The following DLGAP1 variants were observed in gnomAD, a reference collection of about 807,000 sequenced individuals.
DLGAP1 encodes the protein DLG associated protein 1, also known as disks large-associated protein 1.
In DLGAP1, 11 loss-of-function variants were observed where a neutral mutation model predicts 90.8. The observed-to-expected ratio is 0.12, with a 90% CI of 0.08 to 0.20. The LOEUF (loss-of-function observed/expected upper bound fraction) is 0.20. Ranked by LOEUF, DLGAP1 falls within the 10% of genes least tolerant of loss-of-function variation. The pLI is 1.00. For synonymous variants in DLGAP1, 558 were observed against 540.7 expected, an observed-to-expected ratio of 1.03 and a Z score of -0.44; for missense variants, 1,050 against 1,333.8, an observed-to-expected ratio of 0.79 and a Z score of 3.31.
At chr18:3,826,591 G>A (rs77423956) in intron 4 of DLGAP1, among the ~76,000 whole-genome samples, 5,082 of 152,306 alleles carry the variant, frequency 0.033, 128 homozygotes, top group Non-Finnish European at 0.052. Flanking sequence ...TGCACACAGC[G>A]GGAGGCCAGG....
At chr18:4,170,827 G>C (rs1487479847) in intron 1 of DLGAP1, among the ~76,000 whole-genome samples, 1 of 152,118 alleles carries the variant, frequency 6.6e-6, no homozygotes, top group Non-Finnish European at 1.5e-5. Context: ...CTGAAAAAGA[G>C]TATTAGTGTT....
At chr18:4,229,500 T>C (rs572686555) in intron 1 of DLGAP1, among the ~76,000 whole-genome samples, 38 of 151,950 alleles carry the variant, frequency 2.5e-4, no homozygotes, top group Non-Finnish European at 4.7e-4. Flanking sequence ...TGGAACAAAA[T>C]AGAGGACCTA....
intron 7 of DLGAP1, among the ~76,000 whole-genome samples, chr18:3,645,339 T>C (rs559637382): frequency 1.3e-3 from 192 of 151,404 alleles, no homozygotes; most frequent in Non-Finnish European, 2.3e-3. Flanking sequence ...TGTGAATATA[T>C]ATATATTTTT....
chr18:3,919,059 T>A (rs2072210320), intron 3 of DLGAP1, among the ~76,000 whole-genome samples: 1 of 151,824 alleles, frequency 6.6e-6, no homozygotes, highest in Admixed American at 6.5e-5. Flanking sequence ...CAAAATAACA[T>A]TAATACCATG....
chr18:3,848,316 A>C (rs1415976271), intron 4 of DLGAP1, among the ~76,000 whole-genome samples: 1 of 151,946 alleles, frequency 6.6e-6, no homozygotes, highest in Non-Finnish European at 1.5e-5. Context: ...GAGGGAGGAG[A>C]AGGACAAATA....
chr18:3,826,153 A>C (rs2067700475), intron 4 of DLGAP1, among the ~76,000 whole-genome samples: 1 of 152,192 alleles, frequency 6.6e-6, no homozygotes, highest in Non-Finnish European at 1.5e-5. Context: ...GCAAGGGTTG[A>C]AAAACTATCT....
chr18:4,397,808 T>C (rs1027691621), intron 1 of DLGAP1, among the ~76,000 whole-genome samples: 1 of 152,220 alleles, frequency 6.6e-6, no homozygotes, highest in East Asian at 1.9e-4. Flanking sequence ...GTATTTACAA[T>C]TTAAATTAAT....
intron 4 of DLGAP1, among the ~76,000 whole-genome samples, chr18:3,876,850 A>G (rs1037198809): frequency 6.6e-6 from 1 of 152,240 alleles, no homozygotes; most frequent in African/African-American, 2.4e-5. Context: ...ACTAAATCCC[A>G]TACTTAAGCC....
At chr18:4,193,945 A>AT (rs1437885856) in intron 1 of DLGAP1, among the ~76,000 whole-genome samples, 1 of 152,160 alleles carries the variant, frequency 6.6e-6, no homozygotes, top group African/African-American at 2.4e-5. Context: ...TAATTTTCAG[A>AT]TTTTTTAAAA....
At chr18:3,502,963 C>A (rs567886705) in intron 11 of DLGAP1, among the ~76,000 whole-genome samples, 1 of 151,510 alleles carries the variant, frequency 6.6e-6, no homozygotes, top group African/African-American at 2.4e-5. Context: ...TTTTAAAACA[C>A]CATATTCAAA....
intron 4 of DLGAP1, among the ~76,000 whole-genome samples, chr18:3,853,990 GAAC>G (rs1277627644): frequency 2.0e-5 from 3 of 151,676 alleles, no homozygotes; most frequent in Admixed American, 6.6e-5. Context: ...TCTTTCCAAA[GAAC>G]AACAACAACA....
chr18:3,633,772 A>C (rs2058602121), intron 7 of DLGAP1, among the ~76,000 whole-genome samples: 1 of 152,182 alleles, frequency 6.6e-6, no homozygotes, highest in Non-Finnish European at 1.5e-5. Context: ...TTTTATTATA[A>C]TTTCAAATGG....
intron 7 of DLGAP1, among the ~76,000 whole-genome samples, chr18:3,708,898 A>G (rs377219376): frequency 6.6e-6 from 1 of 152,176 alleles, no homozygotes; most frequent in African/African-American, 2.4e-5. Flanking sequence ...TTTCTTTAAA[A>G]ACAGATTTTT....
chr18:3,602,564 C>T (rs1360405807), intron 7 of DLGAP1, among the ~76,000 whole-genome samples: 6 of 134,866 alleles, frequency 4.4e-5, no homozygotes, highest in Non-Finnish European at 9.2e-5. Context: ...CACCGCACTC[C>T]AGCCTGGGCG....
intron 5 of DLGAP1, among the ~76,000 whole-genome samples, chr18:3,748,933 C>T (rs1297221529): frequency 6.6e-6 from 1 of 152,126 alleles, no homozygotes; most frequent in Non-Finnish European, 1.5e-5. Flanking sequence ...GTAGTTGCCT[C>T]TTGAGTTATT....
chr18:3,939,350 G>T (rs531263117), intron 3 of DLGAP1, among the ~76,000 whole-genome samples: 1 of 149,466 alleles, frequency 6.7e-6, no homozygotes, highest in Admixed American at 6.7e-5. Flanking sequence ...CTGGAAGGTG[G>T]AGGTTGTAGT....
At chr18:3,837,928 A>C (rs1195272205) in intron 4 of DLGAP1, among the ~76,000 whole-genome samples, 1 of 144,812 alleles carries the variant, frequency 6.9e-6, no homozygotes, top group Non-Finnish European at 1.5e-5. Context: ...CTCTCTCTTG[A>C]TTTTATGATA....
intron 1 of DLGAP1, among the ~76,000 whole-genome samples, chr18:4,357,126 T>C (rs1229772752): frequency 6.6e-6 from 1 of 151,588 alleles, no homozygotes; most frequent in Admixed American, 6.6e-5. Flanking sequence ...ATATACCATT[T>C]CTTTCTTTGT....
chr18:3,631,556 G>T (rs1335181657), intron 7 of DLGAP1, among the ~76,000 whole-genome samples: 1 of 152,044 alleles, frequency 6.6e-6, no homozygotes, highest in African/African-American at 2.4e-5. Context: ...AGACCAGCCT[G>T]GGCAACATAG....
Sources: gnomAD v4.1 joint callset for allele counts (sites outside exome capture counted in the v4.1 genomes callset) on GRCh38, gnomAD v4.1.1 for gene constraint, MANE v1.5 for transcripts, NCBI Gene and HGNC (gene_info 2026-07-23, HGNC 2026-07-21) for gene names.